BAZ2B: variants seen among roughly 807,000 people sequenced by gnomAD.
BAZ2B encodes the protein bromodomain adjacent to zinc finger domain protein 2B.
BAZ2B carries 91 observed loss-of-function variants against 246.0 expected under a neutral mutation model. The observed-to-expected ratio is 0.37, with a 90% CI of 0.31 to 0.44. The LOEUF (loss-of-function observed/expected upper bound fraction) is 0.44, where lower values mean the gene tolerates loss of function less well. BAZ2B is among the 20% of genes least tolerant of loss of function. The pLI, the probability that BAZ2B is intolerant of heterozygous loss-of-function variation, is 1.00. For synonymous variants in BAZ2B, 855 were observed against 860.0 expected, an observed-to-expected ratio of 0.99 and a Z score of 0.10; for missense variants, 2,332 against 2,533.7, an observed-to-expected ratio of 0.92 and a Z score of 1.71.
chr2:159,535,519 T>C (rs182994721), intron 2 of BAZ2B, among the ~76,000 whole-genome samples: 146 of 152,298 alleles, frequency 9.6e-4, no homozygotes, highest in African/African-American at 3.4e-3. Flanking sequence ...AGTGAGACTC[T>C]GTCTCAAAAA....
At chr2:159,678,986 G>GAAC in the BAZ2B span, among the ~76,000 whole-genome samples, 1 of 152,170 alleles carries the variant, frequency 6.6e-6, no homozygotes, top group African/African-American at 2.4e-5. Flanking sequence ...TCAAGATGTT[G>GAAC]AATGGGCCGG....
In BAZ2B at chr2:159,362,862, G is replaced by T. The variant is rs536148221; in HGVS notation, c.4213+10183C>A. On this transcript the variant is annotated intron_variant, in intron 27 of 36. Transcript: ENST00000392783. ...TGGTAGGGTGCACTAGAAAGGGTGT[G>T]GTAGTCTCTCTAGAAGGGAAGGTGG... Among the ~76,000 whole-genome samples the T allele has an allele frequency of 2.0e-5, 3 of 151,824 alleles. No individual in the cohort carries two copies. In the South Asian group the frequency reaches 6.3e-4, roughly 32 times the overall value.
intron 3 of BAZ2B, among the ~76,000 whole-genome samples, chr2:159,476,216 T>C (rs1384704261): frequency 6.6e-6 from 1 of 152,050 alleles, no homozygotes; most frequent in Non-Finnish European, 1.5e-5. Flanking sequence ...GGGGCTGCTG[T>C]AAAAGGCTTT....
At chr2:159,346,433 A>C (rs1252478635) in intron 31 of BAZ2B, among the ~76,000 whole-genome samples, 1 of 152,202 alleles carries the variant, frequency 6.6e-6, no homozygotes, top group Non-Finnish European at 1.5e-5. Flanking sequence ...AGCCAGGCAC[A>C]GTGGCTCATG....
At chr2:159,705,843 C>G in the BAZ2B span, among the ~76,000 whole-genome samples, 7 of 151,640 alleles carry the variant, frequency 4.6e-5, no homozygotes, top group Admixed American at 6.6e-5. Flanking sequence ...CTATCTATGG[C>G]AAAAAATACT....
At chr2:159,544,275 G>C (rs1278750896) in intron 2 of BAZ2B, among the ~76,000 whole-genome samples, 1 of 152,134 alleles carries the variant, frequency 6.6e-6, no homozygotes, top group Non-Finnish European at 1.5e-5. Flanking sequence ...TTAGAGTTAA[G>C]AGGATTAATT....
chr2:159,343,919 G>A (rs13382574), intron 31 of BAZ2B, among the ~76,000 whole-genome samples: 17,653 of 151,168 alleles, frequency 0.12, 1,302 homozygotes, highest in Middle Eastern at 0.17. Context: ...TCAGCTACTC[G>A]GGAGACTGAG....
At chr2:159,553,069 TG>T (rs2088526572) in intron 2 of BAZ2B, among the ~76,000 whole-genome samples, 1 of 151,818 alleles carries the variant, frequency 6.6e-6, no homozygotes, top group Admixed American at 6.6e-5. Flanking sequence ...TTAGGTAGAG[TG>T]TACAGTTCTT....
chr2:159,593,263 A>G (rs1004586618), intron 1 of BAZ2B, among the ~76,000 whole-genome samples: 1 of 152,214 alleles, frequency 6.6e-6, no homozygotes, highest in South Asian at 2.1e-4. Context: ...ACTTTGACCA[A>G]ATCTCTGTAT....
At chr2:159,490,336 C>G (rs1482835261) in intron 2 of BAZ2B, among the ~76,000 whole-genome samples, 1 of 152,004 alleles carries the variant, frequency 6.6e-6, no homozygotes, top group Non-Finnish European at 1.5e-5. Flanking sequence ...TTTTATAATG[C>G]AGAAGTCCAA....
rs1286350646 is a variant in BAZ2B, at chr2:159,350,307, C to A, written c.4264G>T (p.Val1422Phe). The change falls in exon 28 of 37, where the codon GTC becomes TTC. Residue 1422 changes from valine (V) to phenylalanine (F), a missense_variant. By Grantham distance (50) the Val-to-Phe change is conservative. Around this residue, in one of 9 missense-constraint regions of BAZ2B, gnomAD observed 676 missense variants for 668.6 expected, o/e 1.01. Coordinates refer to ENST00000392783, the MANE Select transcript of BAZ2B (RefSeq NM_013450.4). The part of the protein sequence containing the change: ...EREKLKKAES[V>F]QIKEEMFETS... ...TCAAACATTTCTTCTTTGATCTGGA[C>A]ACTTTCTGCCTTTTTCAGTTTTTCT... The A allele has an allele frequency of 1.9e-6, 3 of 1,582,158 alleles. No individual in the cohort carries two copies. The East Asian group carries it at 6.7e-5, about 35-fold the overall frequency.
the BAZ2B span, among the ~76,000 whole-genome samples, chr2:159,660,272 A>C: frequency 2.0e-5 from 3 of 152,216 alleles, no homozygotes; most frequent in Admixed American, 1.3e-4. Flanking sequence ...AGAGTCAACC[A>C]TCTTGTACCA....
chr2:159,370,614 C>T (rs1332297726), intron 27 of BAZ2B, among the ~76,000 whole-genome samples: 5 of 151,944 alleles, frequency 3.3e-5, no homozygotes, highest in African/African-American at 9.7e-5. Flanking sequence ...CCTCGTGATC[C>T]GCCCGTCTCC....
At chr2:159,675,895 C>G in the BAZ2B span, among the ~76,000 whole-genome samples, 1 of 149,940 alleles carries the variant, frequency 6.7e-6, no homozygotes, top group Admixed American at 6.6e-5. Flanking sequence ...GCACCCCCTA[C>G]GTTCGGCTTT....
chr2:159,710,309 A>G, the BAZ2B span, among the ~76,000 whole-genome samples: 3 of 151,768 alleles, frequency 2.0e-5, no homozygotes, highest in African/African-American at 7.3e-5. Flanking sequence ...CCTGGGTTCA[A>G]GTGATTCTTC....
chr2:159,467,526 G>C (rs1340542621), intron 3 of BAZ2B, among the ~76,000 whole-genome samples: 1 of 152,132 alleles, frequency 6.6e-6, no homozygotes, highest in Non-Finnish European at 1.5e-5. Context: ...TCTTTGCTTT[G>C]ATTAATTGAC....
the BAZ2B span, among the ~76,000 whole-genome samples, chr2:159,647,234 G>A: frequency 3.9e-5 from 6 of 152,090 alleles, no homozygotes; most frequent in East Asian, 1.2e-3. Flanking sequence ...TTAGTCCCAA[G>A]ACCTACAGTC....
intron 3 of BAZ2B, among the ~76,000 whole-genome samples, chr2:159,465,295 T>A (rs2150685186): frequency 6.6e-6 from 1 of 152,338 alleles, no homozygotes; most frequent in Non-Finnish European, 1.5e-5. Flanking sequence ...TGTATTGGAT[T>A]AAGGCCCAAC....
At chr2:159,324,652 ACACACACACACACACACACACAC>A (rs1298447116) in intron 36 of BAZ2B, among the ~76,000 whole-genome samples, 136 bp downstream of exon 36, 2 of 84,540 alleles carry the variant, frequency 2.4e-5, no homozygotes, top group Admixed American at 2.0e-4. Context: ...ACACACACAC[ACACACACACACACACACACACAC>A]ACACACACAC....
Sources: gnomAD v4.1 joint callset for allele counts (sites outside exome capture counted in the v4.1 genomes callset) on GRCh38, gnomAD v4.1.1 for gene constraint, gnomAD v4.1.1 regional missense constraint, MANE v1.5 for transcripts, NCBI Gene and HGNC (gene_info 2026-07-23, HGNC 2026-07-21) for gene names.